KCNIP4: variants seen among roughly 807,000 people sequenced by gnomAD.
The protein encoded by KCNIP4 is potassium voltage-gated channel interacting protein 4.
KCNIP4 carries 12 observed loss-of-function variants against 34.0 expected under a neutral mutation model. That is an observed-to-expected ratio of 0.35 (90% CI 0.23 to 0.57). The LOEUF (loss-of-function observed/expected upper bound fraction) is 0.57, where lower values mean the gene tolerates loss of function less well. KCNIP4 is among the 20% of genes least tolerant of loss of function. KCNIP4 has a pLI of 0.83. For synonymous variants in KCNIP4, 124 were observed against 102.2 expected, an observed-to-expected ratio of 1.21 and a Z score of -1.29; for missense variants, 238 against 311.7, an observed-to-expected ratio of 0.76 and a Z score of 1.78.
intron 1 of KCNIP4, among the ~76,000 whole-genome samples, chr4:21,290,341 T>C (rs1763363971): frequency 6.6e-6 from 1 of 151,832 alleles, no homozygotes; most frequent in Non-Finnish European, 1.5e-5. Context: ...GCTTTTCTCC[T>C]CCTGGGAAAA....
intron 1 of KCNIP4, among the ~76,000 whole-genome samples, chr4:21,406,284 CAA>C (rs1723985293): frequency 6.6e-6 from 1 of 152,158 alleles, no homozygotes; most frequent in South Asian, 2.1e-4. Context: ...GGAAAAATGT[CAA>C]ACTCTTTAAA....
chr4:21,562,762 G>A (rs1332152442), intron 1 of KCNIP4, among the ~76,000 whole-genome samples: 3 of 151,862 alleles, frequency 2.0e-5, no homozygotes, highest in Non-Finnish European at 2.9e-5. Flanking sequence ...TTGTCCACAC[G>A]CAGGGATTTA....
intron 1 of KCNIP4, among the ~76,000 whole-genome samples, chr4:21,714,780 C>A (rs1714023764): frequency 2.0e-5 from 1 of 49,410 alleles, no homozygotes; most frequent in Non-Finnish European, 3.3e-5. Flanking sequence ...TAGTAATTTC[C>A]CTTTGATTAT....
At chr4:20,758,340 G>A (rs1344230910) in intron 4 of KCNIP4, among the ~76,000 whole-genome samples, 1 of 152,110 alleles carries the variant, frequency 6.6e-6, no homozygotes, top group Non-Finnish European at 1.5e-5. Context: ...AATATACAAG[G>A]GGAGGCTGCA....
chr4:20,888,795 C>A (rs561421498), intron 1 of KCNIP4, among the ~76,000 whole-genome samples: 1 of 151,946 alleles, frequency 6.6e-6, no homozygotes, highest in East Asian at 1.9e-4. Flanking sequence ...AAATTAAGGG[C>A]CTGGCCAGCT....
At chr4:20,760,149 G>A (rs1754831902) in intron 3 of KCNIP4, among the ~76,000 whole-genome samples, 1 of 152,124 alleles carries the variant, frequency 6.6e-6, no homozygotes, top group African/African-American at 2.4e-5. Context: ...TGGAGAAGTG[G>A]TAAGTTCTGT....
At chr4:21,827,546 A>G (rs943584677) in intron 1 of KCNIP4, among the ~76,000 whole-genome samples, 1 of 152,042 alleles carries the variant, frequency 6.6e-6, no homozygotes, top group Non-Finnish European at 1.5e-5. Context: ...TCAAGCATCA[A>G]AGTTTGGTTA....
At chr4:21,768,732 T>C (rs1577963343) in intron 1 of KCNIP4, among the ~76,000 whole-genome samples, 1 of 152,198 alleles carries the variant, frequency 6.6e-6, no homozygotes, top group Non-Finnish European at 1.5e-5. Flanking sequence ...TATATAACCA[T>C]TAAAATATAG....
At chr4:20,789,615 AG>A (rs1185061291) in intron 3 of KCNIP4, among the ~76,000 whole-genome samples, 1 of 152,080 alleles carries the variant, frequency 6.6e-6, no homozygotes, top group African/African-American at 2.4e-5. Flanking sequence ...CTGCAATCAA[AG>A]GCCTCGAAAG....
intron 1 of KCNIP4, among the ~76,000 whole-genome samples, chr4:21,734,332 T>C (rs767889316): frequency 5.9e-5 from 9 of 152,186 alleles, no homozygotes; most frequent in South Asian, 2.1e-4. Flanking sequence ...AGTATCAAGA[T>C]AGTGAGTTTT....
intron 1 of KCNIP4, among the ~76,000 whole-genome samples, chr4:21,910,680 C>T (rs1190515896): frequency 2.0e-5 from 3 of 152,182 alleles, no homozygotes; most frequent in Admixed American, 6.6e-5. Flanking sequence ...GGAGGCTTTT[C>T]ATTACTCTCT....
rs114621223 is a variant in KCNIP4, at chr4:21,031,348, C to A, written c.62-148639G>T. ...AAATAGTAGCTTCTATTTTTGTACCCATTTTTGTGATAAATTAATGTTTAG... is the reference window on the plus strand; with the variant it reads ...AAATAGTAGCTTCTATTTTTGTACCAATTTTTGTGATAAATTAATGTTTAG... On this transcript the variant is annotated intron_variant, in intron 1 of 8. Transcript: ENST00000382152. Among the ~76,000 whole-genome samples, 948 of 152,266 alleles carry A rather than the reference C, an allele frequency of 6.2e-3. 9 individuals are homozygous for A. Among genetic ancestry groups the A allele is most frequent in the African/African-American group, 0.022 (911 of 41,550 alleles).
chr4:21,076,337 C>T (rs573450570), intron 1 of KCNIP4, among the ~76,000 whole-genome samples: 10 of 152,160 alleles, frequency 6.6e-5, no homozygotes, highest in African/African-American at 2.2e-4. Context: ...AGTTCCAGCC[C>T]ACTCTACTCT....
At chr4:21,107,044 T>C (rs1748613859) in intron 1 of KCNIP4, among the ~76,000 whole-genome samples, 1 of 148,018 alleles carries the variant, frequency 6.8e-6, no homozygotes, top group African/African-American at 2.6e-5. Flanking sequence ...GGAATAGGTG[T>C]GGTGTGGTGC....
chr4:21,840,166 C>T (rs1166330158), intron 1 of KCNIP4, among the ~76,000 whole-genome samples: 4 of 151,416 alleles, frequency 2.6e-5, no homozygotes, highest in Non-Finnish European at 2.9e-5. Flanking sequence ...GGGGTTAGGG[C>T]ATGGCAAGCA....
intron 1 of KCNIP4, among the ~76,000 whole-genome samples, chr4:20,910,343 A>G (rs1468766464): frequency 9.9e-5 from 15 of 151,870 alleles, no homozygotes; most frequent in Non-Finnish European, 1.9e-4. Flanking sequence ...ATAATAATGT[A>G]CACCTTTGTC....
At chr4:21,769,590 A>G (rs552462342) in intron 1 of KCNIP4, among the ~76,000 whole-genome samples, 2 of 152,238 alleles carry the variant, frequency 1.3e-5, no homozygotes, top group South Asian at 4.1e-4. Context: ...TCATGCAAGA[A>G]GATTTTATCT....
chr4:21,157,102 G>A (rs960644594), intron 1 of KCNIP4, among the ~76,000 whole-genome samples: 1 of 151,992 alleles, frequency 6.6e-6, no homozygotes, highest in African/African-American at 2.4e-5. Flanking sequence ...ACCTCGCTGA[G>A]GCTTCGTTTT....
chr4:21,095,030 T>C (rs570902190), intron 1 of KCNIP4, among the ~76,000 whole-genome samples: 2 of 152,044 alleles, frequency 1.3e-5, no homozygotes, highest in South Asian at 2.1e-4. Flanking sequence ...AAAAAAGAAA[T>C]GCTAAAATTC....
Sources: gnomAD v4.1 joint callset for allele counts (sites outside exome capture counted in the v4.1 genomes callset) on GRCh38, gnomAD v4.1.1 for gene constraint, MANE v1.5 for transcripts, NCBI Gene and HGNC (gene_info 2026-07-23, HGNC 2026-07-21) for gene names.